Variants in CCDC33 observed in about 807,000 individuals in gnomAD.
CCDC33 encodes the protein coiled-coil domain-containing protein 33.
CCDC33 carries 94 observed loss-of-function variants against 91.9 expected under a neutral mutation model. The ratio of observed to expected loss-of-function variants is 1.02; its 90% CI spans 0.87 to 1.21. The LOEUF (loss-of-function observed/expected upper bound fraction) is 1.21, where lower values mean the gene tolerates loss of function less well. Ranked by LOEUF, CCDC33 falls within the 50% of genes most tolerant of loss-of-function variation. CCDC33 has a pLI of 0.00. For missense variants in CCDC33, 940 were observed against 935.5 expected (o/e 1.00, Z -0.06); for synonymous variants, 396 against 374.5 (o/e 1.06, Z -0.66).
chr15:74,318,493 T>G, intron 11 of CCDC33: 1 of 595,478 alleles, frequency 1.7e-6, no homozygotes. Context: ...GCCTGCCTGC[T>G]TCCAGCTCAG....
chr15:74,330,575 A>C (rs540123030), intron 12 of CCDC33, 88 bp from the exon 13 acceptor site: 2 of 1,214,250 alleles, frequency 1.6e-6, no homozygotes, highest in East Asian at 4.7e-5. Flanking sequence ...CCTCGGGCCA[A>C]GGGATATCTG....
At chr15:74,265,922 G>A (rs1477066046) in intron 3 of CCDC33, among the ~76,000 whole-genome samples, 1 of 152,190 alleles carries the variant, frequency 6.6e-6, no homozygotes, top group Non-Finnish European at 1.5e-5. Flanking sequence ...TACTTGGGAG[G>A]CTGAGGCAGG....
intron 10 of CCDC33, among the ~76,000 whole-genome samples, chr15:74,291,752 G>A (rs1239667002): frequency 1.3e-5 from 2 of 152,242 alleles, no homozygotes; most frequent in African/African-American, 4.8e-5. Flanking sequence ...GATGGAATGG[G>A]TAGGAGGAAG....
At chr15:74,234,495 T>C (rs1681540110), upstream of CCDC33, among the ~76,000 whole-genome samples, 1 of 151,900 alleles carries the variant, frequency 6.6e-6, no homozygotes, top group African/African-American at 2.4e-5. Flanking sequence ...GAAGCAGCTC[T>C]CGGGGGAGGT....
chr15:74,274,343 C>T (rs2076397609), intron 7 of CCDC33, among the ~76,000 whole-genome samples: 1 of 152,072 alleles, frequency 6.6e-6, no homozygotes, highest in African/African-American at 2.4e-5. Context: ...CTGCGCTTCA[C>T]TGCCAGCTTG....
intron 2 of CCDC33, among the ~76,000 whole-genome samples, chr15:74,256,485 C>T (rs1359053277): frequency 3.3e-5 from 5 of 152,130 alleles, no homozygotes; most frequent in Non-Finnish European, 7.3e-5. Context: ...CACGTCCTGG[C>T]AAGTCCTGCT....
At chr15:74,296,478 T>C (rs908296118) in intron 11 of CCDC33, among the ~76,000 whole-genome samples, 1 of 151,890 alleles carries the variant, frequency 6.6e-6, no homozygotes, top group Non-Finnish European at 1.5e-5. Context: ...AATACAAAAT[T>C]AGCCAGACGT....
intron 12 of CCDC33, 127 bp from the exon 13 acceptor site, chr15:74,330,536 G>C (rs886750596): frequency 9.3e-7 from 1 of 1,075,056 alleles, no homozygotes; most frequent in African/African-American, 1.5e-5. Flanking sequence ...TCAGGGATGG[G>C]AAACAGAGAA....
chr15:74,254,662 G>A (rs894311074), intron 2 of CCDC33, among the ~76,000 whole-genome samples: 3 of 151,952 alleles, frequency 2.0e-5, no homozygotes, highest in African/African-American at 7.3e-5. Context: ...TCCACTGTGG[G>A]ATACTCTTTG....
intron 11 of CCDC33, among the ~76,000 whole-genome samples, chr15:74,326,986 C>G (rs936952508): frequency 9.8e-5 from 15 of 152,302 alleles, no homozygotes; most frequent in African/African-American, 2.9e-4. Context: ...CCCAGACCAG[C>G]TGTGCTGCTC....
At chr15:74,233,268 C>A (rs184187473), upstream of CCDC33, among the ~76,000 whole-genome samples, 5 of 152,310 alleles carry the variant, frequency 3.3e-5, no homozygotes, top group Non-Finnish European at 5.9e-5. Flanking sequence ...CAAGTCCCTG[C>A]CCCTCCTTTG....
rs138299575 is a variant in CCDC33 at position 74,257,873 on chromosome 15, A to C, written c.186-4567A>C. On this transcript the variant is annotated intron_variant, in intron 2 of 18. Coordinates refer to ENST00000398814, the MANE Select transcript of CCDC33 (RefSeq NM_025055.5). ...TTGGGAAGAGGTCACTGGGTTTTTC[A>C]GAGCTTCCAGGAGTGGAGGCAGGCC... Among the ~76,000 whole-genome samples the C allele has an allele frequency of 9.7e-3, 1,478 of 152,304 alleles. 15 individuals are homozygous for C. The highest frequency in any genetic ancestry group is 0.034 in the African/African-American group (1,393 of 41,556).
intron 7 of CCDC33, among the ~76,000 whole-genome samples, chr15:74,277,207 A>G (rs2076471743): frequency 6.6e-6 from 1 of 152,244 alleles, no homozygotes; most frequent in South Asian, 2.1e-4. Flanking sequence ...TGGGAAAAGT[A>G]GGTCCCAAAG....
upstream of CCDC33, among the ~76,000 whole-genome samples, chr15:74,215,734 G>T (rs968833700): frequency 1.3e-5 from 2 of 152,094 alleles, no homozygotes; most frequent in Non-Finnish European, 2.9e-5. Context: ...GCCGGGCGTG[G>T]TGGCGCATGC....
intron 2 of CCDC33, among the ~76,000 whole-genome samples, chr15:74,255,325 C>T (rs76418728): frequency 1.3e-5 from 2 of 152,356 alleles, no homozygotes; most frequent in East Asian, 3.9e-4. Flanking sequence ...AGCCAGGAGC[C>T]AGGACTCAAG....
intron 17 of CCDC33, 76 bp downstream of exon 17, chr15:74,334,043 C>T: frequency 7.7e-7 from 1 of 1,303,272 alleles, no homozygotes; most frequent in Non-Finnish European, 1.1e-6. Flanking sequence ...AGTGTGTGAG[C>T]AGAGTCTAGG....
chr15:74,265,554 G>A (rs1306306057), intron 3 of CCDC33, among the ~76,000 whole-genome samples: 1 of 152,128 alleles, frequency 6.6e-6, no homozygotes, highest in Non-Finnish European at 1.5e-5. Context: ...GAGCTCCATT[G>A]TTCATATTTT....
intron 18 of CCDC33, chr15:74,335,684 G>A: frequency 2.2e-6 from 1 of 459,068 alleles, no homozygotes; most frequent in Non-Finnish European, 3.9e-6. Flanking sequence ...GGAAAGGCCT[G>A]GAAAGGATGA....
At chr15:74,215,695 A>T (rs2074423256), upstream of CCDC33, among the ~76,000 whole-genome samples, 1 of 152,102 alleles carries the variant, frequency 6.6e-6, no homozygotes, top group African/African-American at 2.4e-5. Context: ...GCCACCTCAG[A>T]TTCTTTGTAG....
Sources: allele counts gnomAD v4.1 joint callset (sites outside exome capture counted in the v4.1 genomes callset), GRCh38; gene constraint gnomAD v4.1.1; transcripts MANE v1.5; gene names NCBI Gene and HGNC (gene_info 2026-07-23, HGNC 2026-07-21).